Variants in CSGALNACT1 observed in about 807,000 individuals in gnomAD.
CSGALNACT1 encodes chondroitin sulfate N-acetylgalactosaminyltransferase 1.
A neutral mutation model predicts 51.0 loss-of-function variants in CSGALNACT1; 52 were observed. The observed-to-expected ratio is 1.02, with a 90% CI of 0.82 to 1.29. The LOEUF is 1.29. Among genes scored for constraint, CSGALNACT1 ranks in the 50% most tolerant of loss-of-function variants. CSGALNACT1 has a pLI of 0.00. For missense variants in CSGALNACT1, 935 were observed against 679.2 expected, an observed-to-expected ratio of 1.38 and a Z score of -4.19; for synonymous variants, 341 against 254.4, an observed-to-expected ratio of 1.34 and a Z score of -3.24.
chr8:19,411,186 G>T (rs1270405092), intron 8 of CSGALNACT1, among the ~76,000 whole-genome samples: 2 of 152,144 alleles, frequency 1.3e-5, no homozygotes, highest in Non-Finnish European at 2.9e-5. Context: ...ATTCAGAGTG[G>T]TCGTCCTGAC....
chr8:19,559,728 A>G (rs926933705), intron 3 of CSGALNACT1, among the ~76,000 whole-genome samples: 10 of 152,220 alleles, frequency 6.6e-5, no homozygotes, highest in Non-Finnish European at 1.3e-4. Context: ...CTAGCAATAA[A>G]TCTAACAAAA....
intron 2 of CSGALNACT1, among the ~76,000 whole-genome samples, chr8:19,599,514 A>AAGAAAGAAAGAAAGAAAG (rs2049888813): frequency 6.7e-6 from 1 of 149,798 alleles, no homozygotes; most frequent in Non-Finnish European, 1.5e-5. Context: ...GAAAGAAAGA[A>AAGAAAGAAAGAAAGAAAG]AGAAAGAAAG....
chr8:19,461,139 TG>T (rs2065264931), intron 4 of CSGALNACT1, among the ~76,000 whole-genome samples: 2 of 152,230 alleles, frequency 1.3e-5, no homozygotes, highest in Admixed American at 6.5e-5. Context: ...CTGAGAGTTT[TG>T]CTGAGCTCAT....
At chr8:19,543,085 G>A (rs1277235524) in intron 3 of CSGALNACT1, among the ~76,000 whole-genome samples, 6 of 152,118 alleles carry the variant, frequency 3.9e-5, no homozygotes, top group Non-Finnish European at 8.8e-5. Context: ...CCCAGATTAT[G>A]ACTGAGTTAT....
intron 4 of CSGALNACT1, among the ~76,000 whole-genome samples, chr8:19,478,620 A>T (rs1371567433): frequency 1.3e-5 from 2 of 152,140 alleles, no homozygotes; most frequent in African/African-American, 4.8e-5. Context: ...ATTCACAGGC[A>T]GTCATGGGAC....
chr8:19,504,277 C>T (rs529262751), intron 4 of CSGALNACT1, among the ~76,000 whole-genome samples: 23 of 152,188 alleles, frequency 1.5e-4, no homozygotes, highest in Non-Finnish European at 2.9e-4. Flanking sequence ...GGGGTTTCAC[C>T]GTGTTAGCCA....
chr8:19,549,760 T>C (rs1027158871), intron 3 of CSGALNACT1, among the ~76,000 whole-genome samples: 8 of 151,512 alleles, frequency 5.3e-5, no homozygotes, highest in African/African-American at 1.5e-4. Context: ...TGCATTTCTG[T>C]CTGAAAATAT....
At chr8:19,666,809 A>AAGAAAGAAAGAAAGAAAGAAAGAGAGAG (rs1564383214) in intron 1 of CSGALNACT1, among the ~76,000 whole-genome samples, 1 of 25,106 alleles carries the variant, frequency 4.0e-5, no homozygotes, top group African/African-American at 2.5e-4. Context: ...GAAAGAAAGA[A>AAGAAAGAAAGAAAGAAAGAAAGAGAGAG]AGAGAGAGAG....
chr8:19,723,768 A>G lies in CSGALNACT1; in HGVS notation c.-297+34082T>C, dbSNP rs185340953. Among the ~76,000 whole-genome samples, 1,175 of 152,320 alleles carry G rather than the reference A, an allele frequency of 7.7e-3. 10 individuals are homozygous for G. The highest frequency in any genetic ancestry group is 0.012 in the Non-Finnish European group (819 of 68,026). ...ATGGTACCGTACATGAGAAAATGCT[A>G]AAAACACTCTGGAAAATGCAAGTGG... On this transcript the variant is annotated intron_variant, in intron 1 of 1. Coordinates refer to the CSGALNACT1 transcript ENST00000517494.
chr8:19,609,200 G>A (rs992367500), intron 1 of CSGALNACT1, among the ~76,000 whole-genome samples: 1 of 150,824 alleles, frequency 6.6e-6, no homozygotes, highest in Non-Finnish European at 1.5e-5. Context: ...TATTGAGATT[G>A]AGGGAGGCAA....
At chr8:19,539,840 A>G (rs1466019223) in intron 3 of CSGALNACT1, among the ~76,000 whole-genome samples, 1 of 152,162 alleles carries the variant, frequency 6.6e-6, no homozygotes, top group Non-Finnish European at 1.5e-5. Context: ...GCTATTAAAC[A>G]CAGATGGGCA....
Position 19,552,690 on chromosome 8 carries a change from T to C in CSGALNACT1, c.-297+38470A>G, listed in dbSNP as rs865888780. ...TTCAATACTGAGATGAAAATTTGTA[T>C]TGCTGATGTTTTCAATTTTTCTTTG... On this transcript the variant is annotated intron_variant, in intron 3 of 9. Coordinates refer to ENST00000454498, the Ensembl canonical transcript of CSGALNACT1. Among the ~76,000 whole-genome samples, 12 of 152,336 alleles carry C rather than the reference T, an allele frequency of 7.9e-5. No individual in the cohort carries two copies. The Middle Eastern group carries it at 0.01, about 130-fold the overall frequency.
At chr8:19,624,273 T>C (rs1340852236) in intron 1 of CSGALNACT1, among the ~76,000 whole-genome samples, 1 of 152,180 alleles carries the variant, frequency 6.6e-6, no homozygotes, top group East Asian at 1.9e-4. Flanking sequence ...CTCTGATGTT[T>C]GAGATTATAT....
At chr8:19,572,115 GCAA>G (rs911444226) in intron 3 of CSGALNACT1, among the ~76,000 whole-genome samples, 12 of 152,222 alleles carry the variant, frequency 7.9e-5, no homozygotes, top group South Asian at 2.1e-4. Flanking sequence ...AAAAACATCG[GCAA>G]CAACAACAAA....
intron 1 of CSGALNACT1, among the ~76,000 whole-genome samples, chr8:19,754,290 A>T (rs1761146840): frequency 6.6e-6 from 1 of 152,206 alleles, no homozygotes; most frequent in African/African-American, 2.4e-5. Context: ...AGCCTCCCAA[A>T]GCGCTGGGAT....
chr8:19,660,165 C>A (rs542564837), intron 1 of CSGALNACT1, among the ~76,000 whole-genome samples: 1 of 152,188 alleles, frequency 6.6e-6, no homozygotes, highest in East Asian at 1.9e-4. Context: ...CAATTCCATA[C>A]CCACATCGAT....
intron 5 of CSGALNACT1, among the ~76,000 whole-genome samples, chr8:19,453,051 C>T (rs939551448): frequency 3.3e-5 from 5 of 151,998 alleles, no homozygotes; most frequent in East Asian, 3.9e-4. Flanking sequence ...GTCCCCTGCA[C>T]GTAATGAGAA....
intron 1 of CSGALNACT1, among the ~76,000 whole-genome samples, chr8:19,752,080 G>A (rs7814485): frequency 0.11 from 10,924 of 102,620 alleles, 481 homozygotes; most frequent in African/African-American, 0.17. Context: ...ATGATATGAT[G>A]ATGATGATAA....
At chr8:19,746,680 T>C (rs1339317556) in intron 1 of CSGALNACT1, among the ~76,000 whole-genome samples, 1 of 152,218 alleles carries the variant, frequency 6.6e-6, no homozygotes, top group African/African-American at 2.4e-5. Flanking sequence ...GTTCTCTCAT[T>C]AATTCCAACT....
Sources: gnomAD v4.1 joint callset for allele counts (sites outside exome capture counted in the v4.1 genomes callset) on GRCh38, gnomAD v4.1.1 for gene constraint, MANE v1.5 for transcripts, NCBI Gene and HGNC (gene_info 2026-07-23, HGNC 2026-07-21) for gene names.